The following KIF26B variants were observed in gnomAD, a reference collection of about 807,000 sequenced individuals.
KIF26B encodes the protein kinesin family member 26B, also known as kinesin-like protein KIF26B.
A neutral mutation model predicts 151.2 loss-of-function variants in KIF26B; 63 were observed. The ratio of observed to expected loss-of-function variants is 0.42; its 90% confidence interval spans 0.34 to 0.51. KIF26B has a LOEUF of 0.51. KIF26B is among the 20% of genes least tolerant of loss of function. KIF26B has a pLI of 0.07. For missense variants in KIF26B, 2,813 were observed against 2,913.6 expected, an observed-to-expected ratio of 0.97 and a Z score of 0.79; for synonymous variants, 1,357 against 1,262.1, an observed-to-expected ratio of 1.08 and a Z score of -1.59.
At chr1:245,350,765 C>T (rs926929957) in intron 2 of KIF26B, among the ~76,000 whole-genome samples, 1 of 152,108 alleles carries the variant, frequency 6.6e-6, no homozygotes, top group East Asian at 1.9e-4. Context: ...CAGACCTGCC[C>T]GAGAGGGGAC....
chr1:245,581,532 T>C (rs2043174399), intron 5 of KIF26B, among the ~76,000 whole-genome samples: 1 of 152,194 alleles, frequency 6.6e-6, no homozygotes, highest in Non-Finnish European at 1.5e-5. Context: ...CCTGGACATA[T>C]ATTCAGTGAA....
chr1:245,633,493 A>G (rs1344253686), intron 9 of KIF26B, among the ~76,000 whole-genome samples: 1 of 140,016 alleles, frequency 7.1e-6, no homozygotes, highest in Non-Finnish European at 1.6e-5. Context: ...GTGATGTTTG[A>G]CTCCTTTCTC....
intron 4 of KIF26B, among the ~76,000 whole-genome samples, chr1:245,489,518 C>G (rs1439079937): frequency 6.6e-6 from 1 of 152,208 alleles, no homozygotes; most frequent in Non-Finnish European, 1.5e-5. Context: ...TGTCATTTCT[C>G]CAGACATTCA....
chr1:245,703,179 CTAAG>C lies in KIF26B; in HGVS notation c.*579_*582del, dbSNP rs1197001035. 6.5e-6 allele frequency: 1 copy of C among 152,834 alleles called. No individual in the cohort carries two copies. The highest frequency in any genetic ancestry group is 2.4e-5 in the African/African-American group (1 of 41,572). 9.5% of individuals were successfully genotyped at this position (152,834 alleles called of 1,614,324 possible). A position where few individuals can be genotyped will look rare whatever the true frequency, so the allele number is the denominator to read the frequency against. On this transcript the variant is annotated 3_prime_UTR_variant, in exon 15 of 15. Transcript: ENST00000407071. ...TTATCCTATTTCTGACTTGCTGTTT[CTAAG>C]TAAGTTGTGTTTGTAGAGCTATTTC...
chr1:245,436,056 A>C (rs1295478622), intron 4 of KIF26B, among the ~76,000 whole-genome samples: 1 of 152,010 alleles, frequency 6.6e-6, no homozygotes, highest in Non-Finnish European at 1.5e-5. Context: ...GCGCACCTGG[A>C]ATCCGAGCGA....
At chr1:245,392,662 T>C (rs1673727515) in intron 3 of KIF26B, among the ~76,000 whole-genome samples, 1 of 152,198 alleles carries the variant, frequency 6.6e-6, no homozygotes, top group African/African-American at 2.4e-5. Flanking sequence ...TCCTGAAGCC[T>C]GTCTCTTTAG....
chr1:245,303,290 C>T (rs866967237), intron 2 of KIF26B, among the ~76,000 whole-genome samples: 13 of 149,492 alleles, frequency 8.7e-5, no homozygotes, highest in Admixed American at 6.6e-5. Context: ...GCTCCGCCTC[C>T]CGGGTTCACG....
chr1:245,390,876 G>A (rs1450810152), intron 3 of KIF26B, among the ~76,000 whole-genome samples: 1 of 135,048 alleles, frequency 7.4e-6, no homozygotes, highest in Admixed American at 8.4e-5. Context: ...ACTCAAGTCT[G>A]GGGAAGTTCC....
At chr1:245,310,603 G>A (rs1671647219) in intron 2 of KIF26B, among the ~76,000 whole-genome samples, 1 of 152,218 alleles carries the variant, frequency 6.6e-6, no homozygotes, top group African/African-American at 2.4e-5. Flanking sequence ...TGAAAATGGG[G>A]GAGAGATCTG....
At chr1:245,665,005 A>T (rs1195562649) in intron 10 of KIF26B, among the ~76,000 whole-genome samples, 1 of 152,258 alleles carries the variant, frequency 6.6e-6, no homozygotes, top group East Asian at 1.9e-4. Context: ...TTATTCATAC[A>T]ACCACCAATT....
At chr1:245,622,926 G>T (rs1209388476) in intron 9 of KIF26B, among the ~76,000 whole-genome samples, 1 of 152,014 alleles carries the variant, frequency 6.6e-6, no homozygotes, top group East Asian at 1.9e-4. Flanking sequence ...CTGCTTCGTG[G>T]AGCTGATGGA....
chr1:245,647,437 A>AG (rs951030856), intron 10 of KIF26B, among the ~76,000 whole-genome samples: 9 of 149,994 alleles, frequency 6.0e-5, no homozygotes, highest in Non-Finnish European at 7.4e-5. Context: ...AAAAAAAAAA[A>AG]AAAAAAGAAA....
chr1:245,696,774 G>C (rs884987), intron 12 of KIF26B, among the ~76,000 whole-genome samples: 96,105 of 152,056 alleles, frequency 0.63, 32,044 homozygotes, highest in Middle Eastern at 0.77. Flanking sequence ...AACTAAATGC[G>C]ATTGTGTATG....
At chr1:245,513,371 T>TA (rs911948492) in intron 4 of KIF26B, among the ~76,000 whole-genome samples, 3 of 150,460 alleles carry the variant, frequency 2.0e-5, no homozygotes, top group African/African-American at 4.9e-5. Flanking sequence ...GCTGAGCAAT[T>TA]AAAAAAAAAT....
chr1:245,474,406 C>T (rs1659984479), intron 4 of KIF26B, among the ~76,000 whole-genome samples: 2 of 144,432 alleles, frequency 1.4e-5, no homozygotes, highest in African/African-American at 5.0e-5. Context: ...CTGCTCCTGG[C>T]TTTTTTTTGT....
chr1:245,480,163 G>A (rs764328105), intron 4 of KIF26B, among the ~76,000 whole-genome samples: 1 of 151,182 alleles, frequency 6.6e-6, no homozygotes, highest in Admixed American at 6.6e-5. Flanking sequence ...CCTGTAGTCC[G>A]AGCTACTTGG....
At chr1:245,500,543 G>A (rs1660599270) in intron 4 of KIF26B, among the ~76,000 whole-genome samples, 1 of 152,220 alleles carries the variant, frequency 6.6e-6, no homozygotes, top group Non-Finnish European at 1.5e-5. Context: ...TGTAATACCT[G>A]TTAACATGCT....
At chr1:245,457,148 G>A (rs1454917180) in intron 4 of KIF26B, among the ~76,000 whole-genome samples, 2 of 152,236 alleles carry the variant, frequency 1.3e-5, no homozygotes, top group South Asian at 2.1e-4. Context: ...TTACAGGCAT[G>A]AGCCACTGCA....
chr1:245,508,389 C>T (rs1934066), intron 4 of KIF26B, among the ~76,000 whole-genome samples: 131,044 of 152,120 alleles, frequency 0.86, 58,221 homozygotes, highest in East Asian at 1. Context: ...TACTGGCGCC[C>T]GCCACCACGC....
Sources: gnomAD v4.1 joint callset for allele counts (sites outside exome capture counted in the v4.1 genomes callset) on GRCh38, gnomAD v4.1.1 for gene constraint, MANE v1.5 for transcripts, NCBI Gene and HGNC (gene_info 2026-07-23, HGNC 2026-07-21) for gene names.